The following TMEM132C variants were observed in gnomAD, a reference collection of about 807,000 sequenced individuals.
TMEM132C encodes transmembrane protein 132C, also known as protein phosphatase 1, regulatory subunit 152.
TMEM132C carries 29 observed loss-of-function variants against 61.4 expected under a neutral mutation model. That is an observed-to-expected ratio of 0.47 (90% CI 0.35 to 0.64). TMEM132C has a LOEUF of 0.64. TMEM132C is among the 30% of genes least tolerant of loss of function. TMEM132C has a pLI of 0.00. For synonymous variants in TMEM132C, 656 were observed against 633.1 expected, an observed-to-expected ratio of 1.04 and a Z score of -0.54; for missense variants, 1,408 against 1,476.9, an observed-to-expected ratio of 0.95 and a Z score of 0.76.
chr12:128,448,088 T>G (rs1482863244), intron 2 of TMEM132C, among the ~76,000 whole-genome samples: 2 of 152,188 alleles, frequency 1.3e-5, no homozygotes, highest in Non-Finnish European at 2.9e-5. Context: ...TGCTGAATGT[T>G]AGATGTGGTA....
At chr12:128,580,859 T>C (rs1039824419) in intron 3 of TMEM132C, among the ~76,000 whole-genome samples, 1 of 152,196 alleles carries the variant, frequency 6.6e-6, no homozygotes, top group African/African-American at 2.4e-5. Flanking sequence ...GTTGACACTT[T>C]AGGCCAGTAA....
At chr12:128,361,540 C>G (rs1873708625) in intron 1 of TMEM132C, among the ~76,000 whole-genome samples, 1 of 152,138 alleles carries the variant, frequency 6.6e-6, no homozygotes, top group South Asian at 2.1e-4. Context: ...TCTTGAAATA[C>G]TTTGTAATTG....
chr12:128,433,002 AAAATAAATAAATAAAT>A (rs72373120), intron 2 of TMEM132C, among the ~76,000 whole-genome samples: 2,415 of 146,572 alleles, frequency 0.016, 57 homozygotes, highest in African/African-American at 0.057. Context: ...CACCAGCCAA[AAAATAAATAAATAAAT>A]AAATAAATAA....
chr12:128,627,141 A>G (rs1251241061), intron 4 of TMEM132C, among the ~76,000 whole-genome samples: 5 of 152,200 alleles, frequency 3.3e-5, no homozygotes, highest in Non-Finnish European at 7.3e-5. Context: ...TCCTGCCCCA[A>G]GATGGTGCTG....
intron 3 of TMEM132C, among the ~76,000 whole-genome samples, chr12:128,602,417 G>C (rs184631783): frequency 1.3e-5 from 2 of 152,300 alleles, no homozygotes; most frequent in South Asian, 2.1e-4. Context: ...GTTGAAACTT[G>C]GTTGATTCAA....
Position 128,696,018 on chromosome 12 carries a change from T to G in TMEM132C, c.1844T>G (p.Phe615Cys). The G allele has an allele frequency of 1.3e-6, 2 of 1,551,722 alleles. No homozygotes were observed. Among genetic ancestry groups the G allele is most frequent in the Non-Finnish European group, 1.7e-6 (2 of 1,146,990 alleles). Reference sequence around the variant, plus strand: ...GACATCACTCACCTGGTGGCAGACTTCATGAAGCTGGAGGAACCTCACGTG... The same window carrying G: ...GACATCACTCACCTGGTGGCAGACTGCATGAAGCTGGAGGAACCTCACGTG... ...QFDITHLVAD[F>C]MKLEEPHVAT... is the part of the protein sequence containing the mutation. Residue 615 changes from phenylalanine (F) to cysteine (C), a missense_variant, in exon 7 of 9, where the codon TTC becomes TGC. Phe to Cys is a radical substitution (Grantham distance 205, BLOSUM62 -2). Coordinates refer to ENST00000435159, the MANE Select transcript of TMEM132C (RefSeq NM_001136103.3).
intron 2 of TMEM132C, among the ~76,000 whole-genome samples, chr12:128,416,409 A>G (rs1424012292): frequency 6.6e-6 from 1 of 152,252 alleles, no homozygotes; most frequent in African/African-American, 2.4e-5. Context: ...AGAATGTCAT[A>G]ATAATGAAAG....
chr12:128,382,954 A>G (rs940853397), intron 1 of TMEM132C, among the ~76,000 whole-genome samples: 7 of 149,914 alleles, frequency 4.7e-5, no homozygotes, highest in Non-Finnish European at 8.9e-5. Context: ...GTGTGTGTGT[A>G]TGTATGTGTG....
chr12:128,363,901 G>A (rs915377930), intron 1 of TMEM132C, among the ~76,000 whole-genome samples: 2 of 151,072 alleles, frequency 1.3e-5, no homozygotes, highest in Admixed American at 6.6e-5. Flanking sequence ...TCATCTCAGC[G>A]TGGTGGGGCA....
chr12:128,466,273 G>A (rs890194366), intron 2 of TMEM132C, among the ~76,000 whole-genome samples: 8 of 152,288 alleles, frequency 5.3e-5, no homozygotes, highest in South Asian at 2.1e-4. Flanking sequence ...GAAGAGAACC[G>A]CTGGAGAGTC....
intron 3 of TMEM132C, among the ~76,000 whole-genome samples, chr12:128,583,709 CCCCAGATGGAGG>C (rs1394798074): frequency 1.3e-5 from 2 of 152,206 alleles, no homozygotes; most frequent in East Asian, 3.9e-4. Context: ...TCCCGAGCAC[CCCCAGATGGAGG>C]CCCAGTGGCC....
chr12:128,498,476 G>T (rs1872046924), intron 2 of TMEM132C, among the ~76,000 whole-genome samples: 1 of 152,158 alleles, frequency 6.6e-6, no homozygotes, highest in South Asian at 2.1e-4. Flanking sequence ...AGGAGTTCTA[G>T]ACCATCCTGG....
Position 128,669,567 on chromosome 12 carries a change from C to T in TMEM132C, c.1449+7C>T, listed in dbSNP as rs1954511050. On this transcript the variant is annotated splice_region_variant and intron_variant, in intron 5 of 8. Coordinates refer to ENST00000435159, the MANE Select transcript of TMEM132C (RefSeq NM_001136103.3). Reference sequence around the variant, plus strand: ...AGACGAGGACGTTATCAAAGTAAGTCATTCCACAGCCAGCTGGATGGAACC... The same window carrying T: ...AGACGAGGACGTTATCAAAGTAAGTTATTCCACAGCCAGCTGGATGGAACC... The T allele has an allele frequency of 1.3e-6, 2 of 1,550,830 alleles. No individual in the cohort carries two copies. Among genetic ancestry groups the T allele is most frequent in the South Asian group, 2.4e-5 (2 of 83,814 alleles).
At chr12:128,267,523 T>A in intron 1 of TMEM132C, 36 bp downstream of exon 1, 8 of 1,228,186 alleles carry the variant, frequency 6.5e-6, no homozygotes, top group Non-Finnish European at 8.1e-6. Flanking sequence ...CGCCGACGCA[T>A]GCGAACTTCC....
chr12:128,705,589 CAGACGGGGGCAGGCTGGCA>C lies in TMEM132C; in HGVS notation c.2622_2640del (p.Asp875GlufsTer40). 1 of 1,551,122 alleles carries C rather than the reference CAGACGGGGGCAGGCTGGCA, an allele frequency of 6.4e-7. No individual in the cohort carries two copies. Among genetic ancestry groups the C allele is most frequent in the Non-Finnish European group, 8.7e-7 (1 of 1,146,996 alleles). ...AACAAAGTGGTGAAGAACAGTCGGGCAGACGGGGGCAGGCTGGCAGGAGAGGGGCAGCTGCAGAACATCC... is the reference window on the plus strand; with the variant it reads ...AACAAAGTGGTGAAGAACAGTCGGGCGGAGAGGGGCAGCTGCAGAACATCC... On this transcript the variant is annotated frameshift_variant, in exon 9 of 9. Transcript: ENST00000435159. LOFTEE classifies it low-confidence loss of function (END_TRUNC).
intron 1 of TMEM132C, among the ~76,000 whole-genome samples, chr12:128,356,425 T>A (rs1486944117): frequency 1.3e-5 from 2 of 152,210 alleles, no homozygotes; most frequent in Non-Finnish European, 2.9e-5. Flanking sequence ...ACGCGTCGAC[T>A]CCATGTATAC....
intron 2 of TMEM132C, among the ~76,000 whole-genome samples, chr12:128,537,641 G>C (rs1593091231): frequency 6.6e-6 from 1 of 152,318 alleles, no homozygotes; most frequent in Non-Finnish European, 1.5e-5. Context: ...CAGGATTCGA[G>C]GAAGGTGTGA....
At chr12:128,410,643 A>T (rs1868505432) in intron 1 of TMEM132C, among the ~76,000 whole-genome samples, 1 of 152,066 alleles carries the variant, frequency 6.6e-6, no homozygotes, top group African/African-American at 2.4e-5. Context: ...TGACCTCGTG[A>T]TCCACCCACC....
intron 3 of TMEM132C, among the ~76,000 whole-genome samples, chr12:128,549,989 C>T (rs1014245523): frequency 1.3e-5 from 2 of 152,160 alleles, no homozygotes; most frequent in Non-Finnish European, 1.5e-5. Context: ...GAAATACACC[C>T]AATGGATCAC....
Sources: allele counts gnomAD v4.1 joint callset (sites outside exome capture counted in the v4.1 genomes callset), GRCh38; gene constraint gnomAD v4.1.1; transcripts MANE v1.5; gene names NCBI Gene and HGNC (gene_info 2026-07-23, HGNC 2026-07-21).